The following PCBP3 variants were observed in gnomAD, a reference collection of about 807,000 sequenced individuals.
The protein encoded by PCBP3 is poly(rC)-binding protein 3.
A neutral mutation model predicts 52.7 loss-of-function variants in PCBP3; 25 were observed. The ratio of observed to expected loss-of-function variants is 0.47; its 90% confidence interval spans 0.35 to 0.66. PCBP3 has a LOEUF of 0.66. Among genes scored for constraint, PCBP3 ranks in the 30% least tolerant of loss-of-function variants. The pLI is 0.01. For missense variants in PCBP3, 391 were observed against 490.3 expected, an observed-to-expected ratio of 0.80 and a Z score of 1.91; for synonymous variants, 162 against 183.0, an observed-to-expected ratio of 0.89 and a Z score of 0.93.
At chr21:45,913,110 T>C (rs2096432961) in intron 11 of PCBP3, among the ~76,000 whole-genome samples, 1 of 152,190 alleles carries the variant, frequency 6.6e-6, no homozygotes, top group Non-Finnish European at 1.5e-5. Context: ...CCAGGACTTC[T>C]GCCTCCTTGA....
chr21:45,876,509 G>C (rs113776255), intron 5 of PCBP3, among the ~76,000 whole-genome samples: 2,465 of 152,266 alleles, frequency 0.016, 83 homozygotes, highest in African/African-American at 0.056. Flanking sequence ...AGGGGAGCAG[G>C]CTGTTCAGAA....
chr21:45,652,079 T>G (rs2079721802), intron 1 of PCBP3, among the ~76,000 whole-genome samples: 1 of 152,260 alleles, frequency 6.6e-6, no homozygotes, highest in South Asian at 2.1e-4. Context: ...CCTTTTCTAC[T>G]CCTATTCACC....
Position 45,902,251 on chromosome 21 carries a change from ACAC to A in PCBP3, c.339+1139_339+1141del, listed in dbSNP as rs1192018872. Among the ~76,000 whole-genome samples the A allele has an allele frequency of 5.2e-3, 790 of 150,514 alleles. 6 individuals are homozygous for A. The highest frequency in any genetic ancestry group is 0.017 in the African/African-American group (702 of 40,526). The stretch of plus-strand genomic sequence containing the variant: ...CCTGTGGCCTGGCCTCCAAGGCTGG[ACAC>A]TGCAGACACTGGGGCCAGTGTTCCC... On this transcript the variant is annotated intron_variant, in intron 9 of 17. Coordinates refer to ENST00000681687, the MANE Select transcript of PCBP3 (RefSeq NM_001384156.1).
Position 45,802,571 on chromosome 21 carries a change from C to T in PCBP3, c.-126+47119C>T, listed in dbSNP as rs763462210. Among the ~76,000 whole-genome samples, 2 of 152,150 alleles carry T rather than the reference C, an allele frequency of 1.3e-5. No individual in the cohort carries two copies. The highest frequency in any genetic ancestry group is 2.1e-4 in the South Asian group (1 of 4,812). On this transcript the variant is annotated intron_variant, in intron 4 of 17. Transcript: ENST00000681687. The surrounding 1 kb of genome is among the most constrained non-coding windows in gnomAD (Gnocchi z 5.1). ...AGAAGGGACAGGAGCCCCTGGGAGACGTAAGAGATGGGGACAGGCTGACGG... is the reference window on the plus strand; with the variant it reads ...AGAAGGGACAGGAGCCCCTGGGAGATGTAAGAGATGGGGACAGGCTGACGG...
At chr21:45,849,771 G>T (rs1049768691) in intron 4 of PCBP3, among the ~76,000 whole-genome samples, 190 bp from the exon 5 acceptor site, 7 of 152,190 alleles carry the variant, frequency 4.6e-5, no homozygotes, top group African/African-American at 1.4e-4. Flanking sequence ...TTGGGGTGTT[G>T]GGGGGAAGAG....
intron 2 of PCBP3, among the ~76,000 whole-genome samples, chr21:45,687,448 A>C (rs1037233062): frequency 6.6e-6 from 1 of 152,208 alleles, no homozygotes; most frequent in Non-Finnish European, 1.5e-5. Flanking sequence ...GGCTGGAGAA[A>C]TGGAATGCCA....
intron 2 of PCBP3, among the ~76,000 whole-genome samples, chr21:45,725,127 G>A (rs939919724): frequency 6.6e-6 from 1 of 152,082 alleles, no homozygotes; most frequent in African/African-American, 2.4e-5. Flanking sequence ...TGCGATGCTA[G>A]GATGTGTTTG....
chr21:45,887,829 G>A lies in PCBP3; in HGVS notation c.11-8379G>A, dbSNP rs555990500. On this transcript the variant is annotated intron_variant, in intron 5 of 17. Coordinates refer to ENST00000681687, the MANE Select transcript of PCBP3 (RefSeq NM_001384156.1). Reference sequence around the variant, plus strand: ...ACGCACTCCCTAAGCTTCCCGGAGAGCCCTGGCTTCGTGACGACCTCACTG... The same window carrying A: ...ACGCACTCCCTAAGCTTCCCGGAGAACCCTGGCTTCGTGACGACCTCACTG... Among the ~76,000 whole-genome samples the A allele has an allele frequency of 1.2e-4, 19 of 152,324 alleles. 1 individual carries two copies. In the East Asian group the frequency reaches 2.3e-3, roughly 19 times the overall value.
chr21:45,719,187 A>G (rs538862163), intron 2 of PCBP3, among the ~76,000 whole-genome samples: 12 of 152,218 alleles, frequency 7.9e-5, no homozygotes, highest in Middle Eastern at 3.4e-3. Context: ...TCACCCTGCA[A>G]TAAGGTTGGC....
At chr21:45,748,566 C>T (rs1434198682) in intron 3 of PCBP3, among the ~76,000 whole-genome samples, 1 of 152,228 alleles carries the variant, frequency 6.6e-6, no homozygotes, top group Admixed American at 6.5e-5. Flanking sequence ...TTTGACTTTA[C>T]CCACCTGTTT....
intron 4 of PCBP3, among the ~76,000 whole-genome samples, chr21:45,844,058 T>A (rs2093754101): frequency 6.6e-6 from 1 of 152,020 alleles, no homozygotes; most frequent in African/African-American, 2.4e-5. Context: ...CCATTAATGC[T>A]CGTCTCTCTC....
chr21:45,653,343 T>C (rs73907819), intron 1 of PCBP3, among the ~76,000 whole-genome samples: 8,650 of 152,210 alleles, frequency 0.057, 542 homozygotes, highest in African/African-American at 0.14. Context: ...ATGATGATTA[T>C]GGATTTGTCT....
At chr21:45,746,956 T>TTG (rs547459102) in intron 3 of PCBP3, among the ~76,000 whole-genome samples, 1,099 of 94,892 alleles carry the variant, frequency 0.012, 12 homozygotes, top group African/African-American at 0.016. Flanking sequence ...GCACACGGTG[T>TTG]TGTCAGCATC....
At chr21:45,717,518 G>GT (rs967378442) in intron 2 of PCBP3, among the ~76,000 whole-genome samples, 2 of 152,096 alleles carry the variant, frequency 1.3e-5, no homozygotes, top group East Asian at 1.9e-4. Flanking sequence ...TTTATTCCTA[G>GT]TTTTTTTGAG....
At chr21:45,887,106 A>G (rs576512674) in intron 5 of PCBP3, among the ~76,000 whole-genome samples, 1 of 152,216 alleles carries the variant, frequency 6.6e-6, no homozygotes, top group Admixed American at 6.6e-5. Flanking sequence ...CCGGCTTGCC[A>G]GCTTTTCCAC....
intron 5 of PCBP3, among the ~76,000 whole-genome samples, chr21:45,876,799 T>G (rs1232282453): frequency 1.3e-5 from 2 of 152,050 alleles, no homozygotes; most frequent in Non-Finnish European, 2.9e-5. Context: ...CACAGTCACA[T>G]CCCCCAGACA....
At chr21:45,826,755 G>A (rs547927681) in intron 4 of PCBP3, among the ~76,000 whole-genome samples, 2 of 152,278 alleles carry the variant, frequency 1.3e-5, no homozygotes, top group South Asian at 4.1e-4. Context: ...AAACGCCAGT[G>A]GGTACAGGCA....
intron 4 of PCBP3, among the ~76,000 whole-genome samples, chr21:45,803,345 ATTTTTATTG>A (rs1210164118): frequency 6.6e-6 from 1 of 152,154 alleles, no homozygotes; most frequent in African/African-American, 2.4e-5. Context: ...GACAGCAGCC[ATTTTTATTG>A]TTTTTATTGT....
intron 4 of PCBP3, among the ~76,000 whole-genome samples, chr21:45,768,893 T>C (rs2089610004): frequency 6.6e-6 from 1 of 152,234 alleles, no homozygotes; most frequent in African/African-American, 2.4e-5. Flanking sequence ...CACCTCTGCC[T>C]GTTCCGTCTG....
Sources: gnomAD v4.1 joint callset for allele counts (sites outside exome capture counted in the v4.1 genomes callset) on GRCh38, gnomAD v4.1.1 for gene constraint, Gnocchi (gnomAD v3.1) non-coding constraint, MANE v1.5 for transcripts, NCBI Gene and HGNC (gene_info 2026-07-23, HGNC 2026-07-21) for gene names.